The following IDH3B variants were observed in gnomAD, a reference collection of about 807,000 sequenced individuals.
IDH3B encodes isocitrate dehydrogenase (NAD(+)) 3 non-catalytic subunit beta, also known as isocitrate dehydrogenase [NAD] subunit beta, mitochondrial.
Under a neutral mutation model 47.5 loss-of-function variants are expected in IDH3B, and 40 were observed. That is an observed-to-expected ratio of 0.84 (90% CI 0.65 to 1.10). The LOEUF is 1.10. Ranked by LOEUF, IDH3B falls within the 50% of genes least tolerant of loss-of-function variation. The pLI is 0.00. For synonymous variants in IDH3B, 185 were observed against 191.0 expected, an observed-to-expected ratio of 0.97 and a Z score of 0.26; for missense variants, 450 against 505.2, an observed-to-expected ratio of 0.89 and a Z score of 1.05.
At chr20:2,659,249 G>A (rs2086889639) in intron 11 of IDH3B, 1 of 1,445,008 alleles carries the variant, frequency 6.9e-7, no homozygotes, top group Middle Eastern at 2.6e-4. Context: ...TGCAAGTTCT[G>A]CATTCAGATG....
At chr20:2,661,444 C>T (rs995582650) in intron 4 of IDH3B, among the ~76,000 whole-genome samples, 26 of 152,166 alleles carry the variant, frequency 1.7e-4, no homozygotes, top group African/African-American at 5.6e-4. Flanking sequence ...GTGATCCACC[C>T]GCCCCGGCCT....
At position 2,660,009 on chromosome 20, in the gene IDH3B, C is replaced by G. The variant is rs911503036; in HGVS notation, c.915+21G>C. 5.6e-6 allele frequency: 9 copies of G among 1,613,800 alleles called. No homozygotes were observed. Among genetic ancestry groups the G allele is most frequent in the Non-Finnish European group, 6.8e-6 (8 of 1,179,858 alleles). ...GCGGACTTGAGGTCAGAGGAAGGGC[C>G]GAGGGAGAAAGCAGCCTCACCGTCT... On this transcript the variant is annotated intron_variant, in intron 9 of 11. Transcript: ENST00000380843. The surrounding 1 kb of genome is among the most constrained non-coding windows in gnomAD (Gnocchi z 5.6).
In IDH3B at chr20:2,659,509, ACTCTT is replaced by A. The variant is rs2086896450; in HGVS notation, c.1071+11_1071+15del. The A allele has an allele frequency of 1.9e-6, 3 of 1,612,576 alleles. No homozygotes were observed. The highest frequency in any genetic ancestry group is 1.7e-6 in the Non-Finnish European group (2 of 1,178,844). ...TACTCTAAATCCTGAAGCCAGCACT[ACTCTT>A]CTCAACTCACCTTGCCAACTTTGAT... On this transcript the variant is annotated intron_variant, in intron 11 of 11. Coordinates refer to ENST00000380843, the MANE Select transcript of IDH3B (RefSeq NM_006899.5).
chr20:2,659,109 CTTCCTTGGAAGAAATA>C, intron 11 of IDH3B: 2 of 1,435,748 alleles, frequency 1.4e-6, no homozygotes, highest in Non-Finnish European at 9.1e-7. Context: ...ATGTGGCTAC[CTTCCTTGGAAGAAATA>C]GAGACAAGAC....
Position 2,659,593 on chromosome 20 carries a change from T to C in IDH3B, c.1011-8A>G. 1 of 1,614,102 alleles carries C rather than the reference T, an allele frequency of 6.2e-7. No individual in the cohort carries two copies. Among genetic ancestry groups the C allele is most frequent in the Non-Finnish European group, 8.5e-7 (1 of 1,179,946 alleles). On this transcript the variant is annotated splice_polypyrimidine_tract_variant and splice_region_variant and intron_variant, in intron 10 of 11. Coordinates refer to ENST00000380843, the MANE Select transcript of IDH3B (RefSeq NM_006899.5). ...CTGGAGTGATACTCAAGACTGTGGA[T>C]ATGGACAGGAAGAAACTGTGACTCC...
At chr20:2,659,668 C>T (rs1462643241) in intron 10 of IDH3B, 31 bp downstream of exon 10, 2 of 1,610,588 alleles carry the variant, frequency 1.2e-6, no homozygotes, top group South Asian at 1.1e-5. Context: ...TCACGACACC[C>T]AACCTCTGCC....
intron 11 of IDH3B, 187 bp from the exon 12 acceptor site, chr20:2,659,024 T>C: frequency 6.9e-7 from 1 of 1,455,434 alleles, no homozygotes; most frequent in Non-Finnish European, 9.0e-7. Context: ...TAAGCCACTA[T>C]TAGCTGTGCT....
rs1191814851 is a variant in IDH3B at position 2,660,751 on chromosome 20, G to A, written c.477C>T (p.Asp159=). ...PGYMTRHNNL[D]LVIIREQTEG... ...CTGTCTGCTCTCGAATGATCACCAGGTCTAGATTGTTGTGCCGAGTCATAT... is the reference window on the plus strand; with the variant it reads ...CTGTCTGCTCTCGAATGATCACCAGATCTAGATTGTTGTGCCGAGTCATAT... Residue 159 remains aspartate, a synonymous_variant, in exon 6 of 12, where the codon GAC becomes GAT. Transcript: ENST00000380843. This position sits in a 1 kb window ranked among gnomAD's most constrained non-coding sequence, Gnocchi z 5.6. 6.2e-7 allele frequency: 1 copy of A among 1,614,146 alleles called. No individual in the cohort carries two copies. The highest frequency in any genetic ancestry group is 1.3e-5 in the African/African-American group (1 of 75,024).
At position 2,660,018 on chromosome 20, in the gene IDH3B, AAGC is replaced by A. The variant is rs1287255264; in HGVS notation, c.915+9_915+11del. ...AGGTCAGAGGAAGGGCCGAGGGAGA[AAGC>A]AGCCTCACCGTCTCAAAGACTGCGT... On this transcript the variant is annotated intron_variant, in intron 9 of 11. Coordinates refer to ENST00000380843, the MANE Select transcript of IDH3B (RefSeq NM_006899.5). This position sits in a 1 kb window ranked among gnomAD's most constrained non-coding sequence, Gnocchi z 5.6. 2 of 1,613,896 alleles carry A rather than the reference AAGC, an allele frequency of 1.2e-6. No homozygotes were observed. The highest frequency in any genetic ancestry group is 1.3e-5 in the African/African-American group (1 of 74,872).
Position 2,660,444 on chromosome 20 carries a change from C to A in IDH3B, c.665+13G>T. 6.2e-7 allele frequency: 1 copy of A among 1,614,110 alleles called. No homozygotes were observed. Among genetic ancestry groups the A allele is most frequent in the Non-Finnish European group, 8.5e-7 (1 of 1,180,012 alleles). ...TCCCAGGAACCCATCCTACACAAAG[C>A]CATGCCCCTCACATGATGTTGGCCT... On this transcript the variant is annotated intron_variant, in intron 7 of 11. Transcript: ENST00000380843. The surrounding 1 kb of genome is among the most constrained non-coding windows in gnomAD (Gnocchi z 5.6).
At position 2,660,655 on chromosome 20, in the gene IDH3B, C is replaced by T. The variant is rs2086928730; in HGVS notation, c.531+42G>A. 1.2e-6 allele frequency: 2 copies of T among 1,614,208 alleles called. No homozygotes were observed. Among genetic ancestry groups the T allele is most frequent in the African/African-American group, 1.3e-5 (1 of 75,032 alleles). Reference sequence around the variant, plus strand: ...GGGAAACAAGGAGCTCCACCTCTCTCCCATCTTCATCCTTGCCCTCCCCCA... The same window carrying T: ...GGGAAACAAGGAGCTCCACCTCTCTTCCATCTTCATCCTTGCCCTCCCCCA... On this transcript the variant is annotated intron_variant, in intron 6 of 11. Coordinates refer to ENST00000380843, the MANE Select transcript of IDH3B (RefSeq NM_006899.5). This position sits in a 1 kb window ranked among gnomAD's most constrained non-coding sequence, Gnocchi z 5.6.
At position 2,659,698 on chromosome 20, in the gene IDH3B, C is replaced by T. The variant is rs1308472429; in HGVS notation, c.1010+1G>A. ...TCTGCCGACAGCCTCCCATGACCTACTTAAGATGCCGCAGCATGTTGGAAG... is the reference window on the plus strand; with the variant it reads ...TCTGCCGACAGCCTCCCATGACCTATTTAAGATGCCGCAGCATGTTGGAAG... On this transcript the variant is annotated splice_donor_variant, in intron 10 of 11. Transcript: ENST00000380843. LOFTEE classifies it high-confidence loss of function. 5 of 1,614,010 alleles carry T rather than the reference C, an allele frequency of 3.1e-6. No individual in the cohort carries two copies. The highest frequency in any genetic ancestry group is 4.2e-6 in the Non-Finnish European group (5 of 1,179,864).
chr20:2,659,114 T>A, intron 11 of IDH3B: 1 of 1,192,392 alleles, frequency 8.4e-7, no homozygotes, highest in South Asian at 2.0e-5. Flanking sequence ...GCTACCTTCC[T>A]TGGAAGAAAT....
At chr20:2,662,944 G>A (rs1014873031) in intron 4 of IDH3B, among the ~76,000 whole-genome samples, 8 of 149,764 alleles carry the variant, frequency 5.3e-5, no homozygotes, top group South Asian at 2.1e-4. Context: ...GCGACAGAGC[G>A]AGACTCTGTC....
In IDH3B at chr20:2,660,144, A is replaced by G. The variant is rs1568548110; in HGVS notation, c.801T>C (p.Leu267=). ...LVQNPYQFDV[L]VMPNLYGNII... Reference sequence around the variant, plus strand: ...TGTTCCCATAGAGATTGGGCATCACAAGCACATCAAACTGGTAAGGATTCT... The same window carrying G: ...TGTTCCCATAGAGATTGGGCATCACGAGCACATCAAACTGGTAAGGATTCT... The change falls in exon 9 of 12, where the codon CTT becomes CTC. Residue 267 remains leucine, a synonymous_variant. Transcript: ENST00000380843. The surrounding 1 kb of genome is among the most constrained non-coding windows in gnomAD (Gnocchi z 5.6). 2 of 1,614,144 alleles carry G rather than the reference A, an allele frequency of 1.2e-6. No homozygotes were observed. The highest frequency in any genetic ancestry group is 1.7e-5 in the Admixed American group (1 of 60,010).
Position 2,660,491 on chromosome 20 carries a change from C to A in IDH3B, c.631G>T (p.Gly211Cys). The change falls in exon 7 of 12, where the codon GGC (glycine) becomes TGC (cysteine). Residue 211 changes from glycine to cysteine, a missense_variant. Physicochemically the swap from Gly to Cys is radical, Grantham distance 159. Transcript: ENST00000380843. This position sits in a 1 kb window ranked among gnomAD's most constrained non-coding sequence, Gnocchi z 5.6. ...GCCTTGTGGACAGCAGTGACCTTGC[C>A]CCGCCCCTTCTTGGTGGCATAGTCA... Reference protein sequence around the residue: ...AFDYATKKGRGKVTAVHKANI... With the variant: ...AFDYATKKGRCKVTAVHKANI... 6.2e-7 allele frequency: 1 copy of A among 1,614,038 alleles called. No homozygotes were observed. Among genetic ancestry groups the A allele is most frequent in the Non-Finnish European group, 8.5e-7 (1 of 1,180,014 alleles).
Position 2,663,662 on chromosome 20 carries a change from T to G in IDH3B, c.214A>C (p.Lys72Gln), listed in dbSNP as rs1418280879. 1 of 1,614,214 alleles carries G rather than the reference T, an allele frequency of 6.2e-7. No individual in the cohort carries two copies. Among genetic ancestry groups the G allele is most frequent in the South Asian group, 1.1e-5 (1 of 91,086 alleles). The change falls in exon 3 of 12, where the codon AAG becomes CAG. Residue 72 changes from lysine to glutamine, a missense_variant and splice_region_variant. Coordinates refer to ENST00000380843, the MANE Select transcript of IDH3B (RefSeq NM_006899.5). ...GTCTGATCCCCGAGGCCACTCACCT[T>G]GAACACCTCCTTGACGGCGTGCATC... ...ELMHAVKEVF[K>Q]AAAVPVEFQE...
In IDH3B at chr20:2,660,235, C is replaced by G. The variant is rs1568548253; in HGVS notation, c.768+28G>C. 5 of 1,613,828 alleles carry G rather than the reference C, an allele frequency of 3.1e-6. No individual in the cohort carries two copies. Among genetic ancestry groups the G allele is most frequent in the Non-Finnish European group, 4.2e-6 (5 of 1,179,690 alleles). On this transcript the variant is annotated intron_variant, in intron 8 of 11. Coordinates refer to ENST00000380843, the MANE Select transcript of IDH3B (RefSeq NM_006899.5). The surrounding 1 kb of genome is among the most constrained non-coding windows in gnomAD (Gnocchi z 5.6). ...CACTCCCCACCCTCCTCCTCCGCCC[C>G]ATGAGTAGAGATGTGGGGAGGCCTC... is the stretch of plus-strand genomic sequence containing the variant.
At chr20:2,662,298 A>G (rs1462895204) in intron 4 of IDH3B, among the ~76,000 whole-genome samples, 2 of 152,240 alleles carry the variant, frequency 1.3e-5, no homozygotes, top group Non-Finnish European at 2.9e-5. Context: ...CAGGTAGTAC[A>G]TATTTGGAAT....
Sources: gnomAD v4.1 joint callset for allele counts (sites outside exome capture counted in the v4.1 genomes callset) on GRCh38, gnomAD v4.1.1 for gene constraint, Gnocchi (gnomAD v3.1) non-coding constraint, MANE v1.5 for transcripts, NCBI Gene and HGNC (gene_info 2026-07-23, HGNC 2026-07-21) for gene names.